OSBPL5: variants seen among roughly 807,000 people sequenced by gnomAD.
The protein encoded by OSBPL5 is oxysterol binding protein like 5, also known as oxysterol-binding protein-related protein 5.
OSBPL5 carries 71 observed loss-of-function variants against 111.2 expected under a neutral mutation model. The observed-to-expected ratio is 0.64, with a 90% CI of 0.53 to 0.78. OSBPL5 has a LOEUF of 0.78. Ranked by LOEUF, OSBPL5 falls within the 30% of genes least tolerant of loss-of-function variation. The probability of loss-of-function intolerance (pLI) is 0.00; values close to 1 mark genes in which losing one functional copy is unlikely to be tolerated. For missense variants in OSBPL5, 1,210 were observed against 1,189.3 expected (o/e 1.02, Z -0.26); for synonymous variants, 549 against 513.9 (o/e 1.07, Z -0.93).
At chr11:3,122,788 G>A (rs569790498) in intron 3 of OSBPL5, among the ~76,000 whole-genome samples, 1 of 152,314 alleles carries the variant, frequency 6.6e-6, no homozygotes, top group African/African-American at 2.4e-5. Context: ...AGGGACAGCC[G>A]TCTTTGAGGG....
At chr11:3,139,183 T>A (rs1331250146) in intron 1 of OSBPL5, among the ~76,000 whole-genome samples, 1 of 152,138 alleles carries the variant, frequency 6.6e-6, no homozygotes, top group African/African-American at 2.4e-5. Flanking sequence ...GGGGTGACCA[T>A]GAGGCAGTGG....
At chr11:3,102,095 C>T (rs975336755) in intron 12 of OSBPL5, 88 bp downstream of exon 12, 4 of 1,387,490 alleles carry the variant, frequency 2.9e-6, no homozygotes, top group Non-Finnish European at 4.0e-6. Flanking sequence ...GTCACGCTTG[C>T]CCCTGCCTGC....
At chr11:3,112,476 T>TC (rs1307835458) in intron 7 of OSBPL5, among the ~76,000 whole-genome samples, 64 of 105,936 alleles carry the variant, frequency 6.0e-4, no homozygotes, top group Non-Finnish European at 9.7e-4. Flanking sequence ...GTGTTTTCTT[T>TC]TCTTTTTTTT....
At position 3,109,791 on chromosome 11, in the gene OSBPL5, G is replaced by A. The variant is rs571788945; in HGVS notation, c.692-1846C>T. 2.6e-4 allele frequency among the ~76,000 whole-genome samples: 40 copies of A among 152,286 alleles called. No individual in the cohort carries two copies. Among genetic ancestry groups the A allele is most frequent in the East Asian group, 1.4e-3 (7 of 5,176 alleles). On this transcript the variant is annotated intron_variant, in intron 7 of 21. Coordinates refer to ENST00000263650, the MANE Select transcript of OSBPL5 (RefSeq NM_020896.4). The surrounding 1 kb of genome is among the most constrained non-coding windows in gnomAD (Gnocchi z 7.4). ...CGAGTTGGCCCCAGGGCCTGAACACGTGTGCTTTGTAGCTGCCACAAAGGA... is the reference window on the plus strand; with the variant it reads ...CGAGTTGGCCCCAGGGCCTGAACACATGTGCTTTGTAGCTGCCACAAAGGA...
rs1459896533 is a variant in OSBPL5 at position 3,141,840 on chromosome 11, GA to G, written c.-21-12672del. ...CTGGGAGGACTCTACGCCCTGGAAG[GA>G]AAAAAGACTGCAAGAGTACAAATGC... On this transcript the variant is annotated intron_variant, in intron 1 of 21. Coordinates refer to ENST00000263650, the MANE Select transcript of OSBPL5 (RefSeq NM_020896.4). The surrounding 1 kb of genome is among the most constrained non-coding windows in gnomAD (Gnocchi z 6.5). Among the ~76,000 whole-genome samples the G allele has an allele frequency of 6.6e-6, 1 of 150,890 alleles. No individual in the cohort carries two copies. Among genetic ancestry groups the G allele is most frequent in the Non-Finnish European group, 1.5e-5 (1 of 67,750 alleles).
intron 20 of OSBPL5, 56 bp from the exon 21 acceptor site, chr11:3,090,004 G>T (rs1396367057): frequency 1.5e-6 from 2 of 1,375,986 alleles, no homozygotes; most frequent in Non-Finnish European, 2.0e-6. Flanking sequence ...GGATGAGCTG[G>T]AGGTCCAGTG....
intron 2 of OSBPL5, 74 bp downstream of exon 2, chr11:3,128,939 G>A: frequency 7.5e-7 from 1 of 1,335,538 alleles, no homozygotes; most frequent in South Asian, 1.7e-5. Flanking sequence ...GGCACAGAGG[G>A]GTTGGGCCGC....
rs1429075188 is a variant in OSBPL5, at chr11:3,161,938, G to A, written c.-22+3278C>T. Among the ~76,000 whole-genome samples, 2 of 151,856 alleles carry A rather than the reference G, an allele frequency of 1.3e-5. No individual in the cohort carries two copies. The highest frequency in any genetic ancestry group is 2.4e-5 in the African/African-American group (1 of 41,312). ...CAAAGGCCCTGGAGTAAGAAGCCGG[G>A]GCTGACGCCAGACCCCTGTGAGCAA... On this transcript the variant is annotated intron_variant, in intron 1 of 21. Transcript: ENST00000263650. This position sits in a 1 kb window ranked among gnomAD's most constrained non-coding sequence, Gnocchi z 8.0.
In OSBPL5 at chr11:3,141,317, C is replaced by T. The variant is rs931686584; in HGVS notation, c.-21-12148G>A. Among the ~76,000 whole-genome samples, 2 of 152,128 alleles carry T rather than the reference C, an allele frequency of 1.3e-5. No individual in the cohort carries two copies. The highest frequency in any genetic ancestry group is 6.5e-5 in the Admixed American group (1 of 15,288). ...TCCTGCTCACCCGGGAACACACCCT[C>T]GGGTCCAGCATCCTCCCTGTGACTC... On this transcript the variant is annotated intron_variant, in intron 1 of 21. Coordinates refer to ENST00000263650, the MANE Select transcript of OSBPL5 (RefSeq NM_020896.4). This position sits in a 1 kb window ranked among gnomAD's most constrained non-coding sequence, Gnocchi z 6.5.
In OSBPL5 at chr11:3,100,136, A is replaced by C. The variant is rs1160433841; in HGVS notation, c.1621+22T>G. The C allele has an allele frequency of 3.1e-6, 5 of 1,607,760 alleles. No homozygotes were observed. In the South Asian group the frequency reaches 5.5e-5, roughly 18 times the overall value. ...TCACAGAGCCTGGCTCTGCCCTCGG[A>C]GTGTGTGGCTGAGCCTCTCACCTTT... On this transcript the variant is annotated intron_variant, in intron 14 of 21. Transcript: ENST00000263650.
chr11:3,119,874 C>A (rs762997246), intron 6 of OSBPL5: 9 of 521,894 alleles, frequency 1.7e-5, no homozygotes, highest in Non-Finnish European at 3.0e-5. Context: ...CAGCTCTGAG[C>A]CTCCTGACTT....
At chr11:3,090,400 A>G (rs1198984195) in intron 20 of OSBPL5, among the ~76,000 whole-genome samples, 158 bp downstream of exon 20, 1 of 149,354 alleles carries the variant, frequency 6.7e-6, no homozygotes, top group African/African-American at 2.4e-5. Flanking sequence ...CTGAGAGGGC[A>G]GAGCCTGCTG....
chr11:3,138,578 G>C (rs1012925107), intron 1 of OSBPL5, among the ~76,000 whole-genome samples: 47 of 152,356 alleles, frequency 3.1e-4, no homozygotes, highest in African/African-American at 9.9e-4. Context: ...TGGGCCCCCA[G>C]TGGAGCCTGG....
intron 14 of OSBPL5, among the ~76,000 whole-genome samples, chr11:3,096,963 A>AGG (rs1857278893): frequency 2.4e-4 from 1 of 4,206 alleles, no homozygotes; most frequent in Admixed American, 3.6e-3. Flanking sequence ...GGAGGAGGAG[A>AGG]AGAGGAAAGA....
chr11:3,098,192 A>C (rs1322213998), intron 14 of OSBPL5, among the ~76,000 whole-genome samples: 1 of 152,030 alleles, frequency 6.6e-6, no homozygotes, highest in Admixed American at 6.6e-5. Flanking sequence ...GTTACACGTC[A>C]AGTTAATTAG....
intron 6 of OSBPL5, chr11:3,119,966 TG>T: frequency 2.4e-6 from 1 of 420,928 alleles, no homozygotes. Flanking sequence ...AGCTTTTTGG[TG>T]TAAGTATTTC....
chr11:3,103,785 T>TCCCTTCCTGCCTGCGCAGCC (rs1564830139), intron 10 of OSBPL5, among the ~76,000 whole-genome samples: 24 of 55,044 alleles, frequency 4.4e-4, no homozygotes, highest in African/African-American at 1.4e-3. Context: ...GCCTCTGCAG[T>TCCCTTCCTGCCTGCGCAGCC]CCCTTCCTGC....
At chr11:3,152,950 T>A (rs1846637292) in intron 1 of OSBPL5, among the ~76,000 whole-genome samples, 1 of 152,034 alleles carries the variant, frequency 6.6e-6, no homozygotes, top group Admixed American at 6.6e-5. Context: ...TTTCTAACAA[T>A]CTTACTCATC....
intron 1 of OSBPL5, among the ~76,000 whole-genome samples, chr11:3,139,193 G>A (rs1191011487): frequency 4.6e-5 from 7 of 152,324 alleles, no homozygotes; most frequent in Middle Eastern, 3.4e-3. Context: ...TGAGGCAGTG[G>A]GCCTGAGAGC....
Sources: allele counts gnomAD v4.1 joint callset (sites outside exome capture counted in the v4.1 genomes callset), GRCh38; gene constraint gnomAD v4.1.1; non-coding constraint Gnocchi (gnomAD v3.1); transcripts MANE v1.5; gene names NCBI Gene and HGNC (gene_info 2026-07-23, HGNC 2026-07-21).